The following CYP2J2 variants were observed in gnomAD, a reference collection of about 807,000 sequenced individuals.
CYP2J2 encodes cytochrome P450 family 2 subfamily J member 2, also known as cytochrome P450 2J2.
Under a neutral mutation model 48.8 loss-of-function variants are expected in CYP2J2, and 41 were observed. The observed-to-expected ratio is 0.84, with a 90% confidence interval of 0.66 to 1.09. The LOEUF (loss-of-function observed/expected upper bound fraction) is 1.09. CYP2J2 is among the 50% of genes least tolerant of loss of function. The pLI is 0.00. For missense variants in CYP2J2, 644 were observed against 617.3 expected (o/e 1.04, Z -0.46); for synonymous variants, 221 against 227.1 (o/e 0.97, Z 0.24).
intron 7 of CYP2J2, among the ~76,000 whole-genome samples, chr1:59,901,378 T>C (rs890974210): frequency 6.6e-5 from 10 of 152,122 alleles, no homozygotes; most frequent in African/African-American, 2.4e-4. Context: ...CAGGGACAGG[T>C]CAGTTTCAGT....
At chr1:59,920,860 G>A (rs897525897) in intron 1 of CYP2J2, among the ~76,000 whole-genome samples, 1 of 152,008 alleles carries the variant, frequency 6.6e-6, no homozygotes, top group Non-Finnish European at 1.5e-5. Flanking sequence ...CCCATGTTTA[G>A]TATTGTTGTG....
chr1:59,938,358 G>T, the CYP2J2 span, among the ~76,000 whole-genome samples: 1 of 152,234 alleles, frequency 6.6e-6, no homozygotes, highest in Non-Finnish European at 1.5e-5. Context: ...CAGTATCTCA[G>T]CAAGAGAAAT....
chr1:59,927,917 C>A (rs1007026989), upstream of CYP2J2, among the ~76,000 whole-genome samples: 3 of 152,170 alleles, frequency 2.0e-5, no homozygotes, highest in Non-Finnish European at 4.4e-5. Context: ...GAGAGAAATA[C>A]TAGTCAGAGC....
At chr1:59,955,288 A>C in the CYP2J2 span, among the ~76,000 whole-genome samples, 31 of 122,418 alleles carry the variant, frequency 2.5e-4, no homozygotes, top group African/African-American at 1.3e-3. Flanking sequence ...CCATATATAT[A>C]TATCCATATA....
chr1:59,948,885 G>A, the CYP2J2 span, among the ~76,000 whole-genome samples: 1 of 152,108 alleles, frequency 6.6e-6, no homozygotes, highest in Non-Finnish European at 1.5e-5. Flanking sequence ...GAAAATCCAA[G>A]CTGGGTGAAG....
the CYP2J2 span, among the ~76,000 whole-genome samples, chr1:59,938,721 G>A: frequency 6.6e-6 from 1 of 152,136 alleles, no homozygotes; most frequent in African/African-American, 2.4e-5. Flanking sequence ...ATCCTCCTCA[G>A]CACAGACCAT....
chr1:59,928,590 G>A (rs1431254722), upstream of CYP2J2, among the ~76,000 whole-genome samples: 2 of 152,160 alleles, frequency 1.3e-5, no homozygotes, highest in Non-Finnish European at 2.9e-5. Flanking sequence ...AGAATGTCAT[G>A]TTGCAGAAGC....
the CYP2J2 span, among the ~76,000 whole-genome samples, chr1:59,950,074 C>T: frequency 1.3e-5 from 2 of 152,166 alleles, no homozygotes; most frequent in African/African-American, 4.8e-5. Context: ...ATGAATTGCA[C>T]TTTGAGCTGA....
chr1:59,945,458 G>A, the CYP2J2 span, among the ~76,000 whole-genome samples: 1 of 151,364 alleles, frequency 6.6e-6, no homozygotes, highest in Non-Finnish European at 1.5e-5. Flanking sequence ...ATCTATCTAT[G>A]TATCTGTCTA....
chr1:59,963,483 T>C, the CYP2J2 span, among the ~76,000 whole-genome samples: 1 of 152,234 alleles, frequency 6.6e-6, no homozygotes, highest in Non-Finnish European at 1.5e-5. Flanking sequence ...TAGCATAATG[T>C]TGATGACATT....
intron 8 of CYP2J2, among the ~76,000 whole-genome samples, chr1:59,899,878 C>T (rs541291696): frequency 4.6e-5 from 7 of 152,184 alleles, no homozygotes; most frequent in African/African-American, 1.7e-4. Context: ...ATAATAGATG[C>T]TCAATAAATA....
chr1:59,919,686 T>A (rs1644497007), intron 1 of CYP2J2, among the ~76,000 whole-genome samples: 1 of 152,268 alleles, frequency 6.6e-6, no homozygotes, highest in African/African-American at 2.4e-5. Context: ...ATGATAGACC[T>A]GATCTCTAGT....
the CYP2J2 span, among the ~76,000 whole-genome samples, chr1:59,955,143 A>G: frequency 4.5e-5 from 3 of 66,906 alleles, no homozygotes; most frequent in African/African-American, 8.6e-5. Flanking sequence ...TCCAAAATTA[A>G]AATAAATAAA....
At chr1:59,930,348 C>T (rs148874115), upstream of CYP2J2, among the ~76,000 whole-genome samples, 139 of 152,218 alleles carry the variant, frequency 9.1e-4, no homozygotes, top group African/African-American at 2.9e-3. Context: ...ATAGTGATTA[C>T]ACCATTTTGC....
At chr1:59,929,495 C>G (rs1644592587), upstream of CYP2J2, among the ~76,000 whole-genome samples, 3 of 151,966 alleles carry the variant, frequency 2.0e-5, no homozygotes, top group African/African-American at 4.8e-5. Context: ...GTCCAAAGAA[C>G]TAAACAAAAT....
chr1:59,910,947 T>C (rs1377018659), intron 4 of CYP2J2, among the ~76,000 whole-genome samples: 1 of 152,190 alleles, frequency 6.6e-6, no homozygotes, highest in Non-Finnish European at 1.5e-5. Context: ...AGATTGATGA[T>C]ATTAAGTGCT....
chr1:59,930,881 AAC>A (rs1209555594), upstream of CYP2J2, among the ~76,000 whole-genome samples: 1 of 152,184 alleles, frequency 6.6e-6, no homozygotes, highest in Non-Finnish European at 1.5e-5. Context: ...ACTACGTGGA[AAC>A]ACAAATTGCA....
At chr1:59,900,847 G>T in intron 8 of CYP2J2, 118 bp downstream of exon 8, 1 of 1,184,466 alleles carries the variant, frequency 8.4e-7, no homozygotes, top group South Asian at 1.4e-5. Context: ...GATGGAGTGA[G>T]TCGCACTGGC....
the CYP2J2 span, among the ~76,000 whole-genome samples, chr1:59,948,241 C>T: frequency 6.6e-6 from 1 of 152,148 alleles, no homozygotes; most frequent in Admixed American, 6.5e-5. Context: ...TCCTTGCATC[C>T]ATTCTTTTCT....
Sources: allele counts gnomAD v4.1 joint callset (sites outside exome capture counted in the v4.1 genomes callset), GRCh38; gene constraint gnomAD v4.1.1; transcripts MANE v1.5; gene names NCBI Gene and HGNC (gene_info 2026-07-23, HGNC 2026-07-21).